LDLRAD4: variants seen among roughly 807,000 people sequenced by gnomAD.
LDLRAD4 encodes the protein low density lipoprotein receptor class A domain containing 4, also known as low-density lipoprotein receptor class A domain-containing protein 4.
LDLRAD4 carries 5 observed loss-of-function variants against 17.0 expected under a neutral mutation model. The ratio of observed to expected loss-of-function variants is 0.29; its 90% CI spans 0.15 to 0.62. LDLRAD4 has a LOEUF of 0.62. LDLRAD4 is among the 20% of genes least tolerant of loss of function. The probability of loss-of-function intolerance (pLI) is 0.84; values close to 1 mark genes in which losing one functional copy is unlikely to be tolerated. For synonymous variants in LDLRAD4, 168 were observed against 171.8 expected, an observed-to-expected ratio of 0.98 and a Z score of 0.17; for missense variants, 340 against 424.7, an observed-to-expected ratio of 0.80 and a Z score of 1.75.
intron 3 of LDLRAD4, among the ~76,000 whole-genome samples, chr18:13,527,525 G>A (rs1008502060): frequency 6.6e-6 from 1 of 152,186 alleles, no homozygotes; most frequent in African/African-American, 2.4e-5. Context: ...CTAGCTCCAG[G>A]CTGACCCAAT....
At chr18:13,566,064 C>G (rs2148279294) in intron 3 of LDLRAD4, among the ~76,000 whole-genome samples, 1 of 152,324 alleles carries the variant, frequency 6.6e-6, no homozygotes, top group East Asian at 1.9e-4. Flanking sequence ...CAGAAATGCT[C>G]CCTCCCAGCC....
intron 3 of LDLRAD4, among the ~76,000 whole-genome samples, chr18:13,606,180 T>C (rs1384796790): frequency 6.6e-6 from 1 of 152,186 alleles, no homozygotes; most frequent in Non-Finnish European, 1.5e-5. Flanking sequence ...CTGGCCTCTA[T>C]AAAAACTTTA....
At chr18:13,489,578 C>G (rs1348707023) in intron 3 of LDLRAD4, 1 of 152,310 alleles carries the variant, frequency 6.6e-6, no homozygotes, top group African/African-American at 2.4e-5. Flanking sequence ...AAATCCAGCT[C>G]TGCACTGGGT....
At chr18:13,239,227 C>T (rs1482443095) in intron 1 of LDLRAD4, among the ~76,000 whole-genome samples, 1 of 150,266 alleles carries the variant, frequency 6.7e-6, no homozygotes, top group Non-Finnish European at 1.5e-5. Flanking sequence ...ACTGCGGGCT[C>T]GAGAGAACAT....
chr18:13,402,426 A>G (rs905965602), intron 2 of LDLRAD4, among the ~76,000 whole-genome samples: 6 of 152,214 alleles, frequency 3.9e-5, no homozygotes, highest in Admixed American at 3.9e-4. Flanking sequence ...TAACTTGAAC[A>G]ATTTTTATAA....
chr18:13,431,046 T>G (rs2090302916), intron 2 of LDLRAD4, among the ~76,000 whole-genome samples: 1 of 152,272 alleles, frequency 6.6e-6, no homozygotes, highest in African/African-American at 2.4e-5. Flanking sequence ...TTTAAAATTA[T>G]GAATTTTAAT....
chr18:13,243,787 C>T (rs1245319449), intron 1 of LDLRAD4, among the ~76,000 whole-genome samples: 1 of 151,118 alleles, frequency 6.6e-6, no homozygotes, highest in African/African-American at 2.4e-5. Context: ...TCCGTCTACC[C>T]ATCCATCTAT....
In LDLRAD4 at chr18:13,535,442, T is replaced by C. The variant is rs375747785; in HGVS notation, c.182-85675T>C. Among the ~76,000 whole-genome samples, 95 of 152,352 alleles carry C rather than the reference T, an allele frequency of 6.2e-4. 1 individual carries two copies. In the South Asian group the frequency reaches 0.019, roughly 31 times the overall value. ...TAGTGATGTTGAGCATCTCTTTATG[T>C]CCCTCTTGCTTATCTGTGTCTTTAC... On this transcript the variant is annotated intron_variant, in intron 3 of 5. Coordinates refer to ENST00000359446, the Ensembl canonical transcript of LDLRAD4.
chr18:13,244,066 T>C (rs1165756751), intron 1 of LDLRAD4, among the ~76,000 whole-genome samples: 1 of 138,250 alleles, frequency 7.2e-6, no homozygotes, highest in Non-Finnish European at 1.5e-5. Flanking sequence ...CCTCCATCCA[T>C]CCATCATCTC....
chr18:13,344,906 G>A (rs1373460668), intron 1 of LDLRAD4, among the ~76,000 whole-genome samples: 1 of 152,202 alleles, frequency 6.6e-6, no homozygotes, highest in Non-Finnish European at 1.5e-5. Flanking sequence ...GTATCAGAAT[G>A]CTTGTGATTT....
chr18:13,639,031 A>T (rs1309764765), intron 4 of LDLRAD4, among the ~76,000 whole-genome samples: 1 of 152,246 alleles, frequency 6.6e-6, no homozygotes, highest in East Asian at 1.9e-4. Flanking sequence ...AAGACAGGGA[A>T]TGCATTTCAG....
At chr18:13,429,869 C>T (rs540974696) in intron 2 of LDLRAD4, among the ~76,000 whole-genome samples, 1 of 152,326 alleles carries the variant, frequency 6.6e-6, no homozygotes, top group Admixed American at 6.5e-5. Context: ...TGGTGTAGTC[C>T]AGGCACCTCA....
At chr18:13,260,245 TGC>T (rs1329733469) in intron 1 of LDLRAD4, among the ~76,000 whole-genome samples, 2 of 152,182 alleles carry the variant, frequency 1.3e-5, no homozygotes, top group African/African-American at 4.8e-5. Context: ...GTGTGAGCAA[TGC>T]GCCCTGTTCT....
At chr18:13,639,284 A>G (rs985146889) in intron 4 of LDLRAD4, among the ~76,000 whole-genome samples, 2 of 152,196 alleles carry the variant, frequency 1.3e-5, no homozygotes, top group Non-Finnish European at 2.9e-5. Context: ...TCTCCATAGC[A>G]TGTGGGGTGA....
intron 4 of LDLRAD4, among the ~76,000 whole-genome samples, chr18:13,627,534 G>A (rs1227484378): frequency 1.3e-5 from 2 of 152,350 alleles, no homozygotes; most frequent in South Asian, 2.1e-4. Context: ...TTGCAAGGCT[G>A]AAGACCAAGA....
chr18:13,264,957 A>G (rs2044132739), intron 1 of LDLRAD4, among the ~76,000 whole-genome samples: 1 of 152,208 alleles, frequency 6.6e-6, no homozygotes, highest in South Asian at 2.1e-4. Context: ...CTGTAAAATT[A>G]TATAAGAGCT....
intron 2 of LDLRAD4, among the ~76,000 whole-genome samples, chr18:13,405,772 A>G (rs2087683196): frequency 6.6e-6 from 1 of 151,992 alleles, no homozygotes; most frequent in Non-Finnish European, 1.5e-5. Flanking sequence ...TTGGAATTGG[A>G]AGCGCTTCAC....
intron 3 of LDLRAD4, among the ~76,000 whole-genome samples, chr18:13,580,069 T>G (rs917811838): frequency 7.9e-5 from 12 of 152,218 alleles, no homozygotes; most frequent in African/African-American, 2.9e-4. Context: ...TGGTCTGTGC[T>G]CATCAATTTC....
intron 1 of LDLRAD4, among the ~76,000 whole-genome samples, chr18:13,358,495 G>A (rs79398502): frequency 0.016 from 2,467 of 152,166 alleles, 68 homozygotes; most frequent in African/African-American, 0.057. Context: ...TCAAGGACAT[G>A]GGGGATGATG....
Sources: gnomAD v4.1 joint callset for allele counts (sites outside exome capture counted in the v4.1 genomes callset) on GRCh38, gnomAD v4.1.1 for gene constraint, MANE v1.5 for transcripts, NCBI Gene and HGNC (gene_info 2026-07-23, HGNC 2026-07-21) for gene names.